The following CNTNAP2 variants were observed in gnomAD, a reference collection of about 807,000 sequenced individuals.
The protein encoded by CNTNAP2 is contactin associated protein 2, also known as contactin-associated protein-like 2.
In CNTNAP2, 98 loss-of-function variants were observed where a neutral mutation model predicts 155.2. The ratio of observed to expected loss-of-function variants is 0.63; its 90% CI spans 0.54 to 0.75. The LOEUF (loss-of-function observed/expected upper bound fraction) is 0.75, where lower values mean the gene tolerates loss of function less well. Ranked by LOEUF, CNTNAP2 falls within the 30% of genes least tolerant of loss-of-function variation. The pLI is 0.00. For missense variants in CNTNAP2, 1,727 were observed against 1,688.1 expected, an observed-to-expected ratio of 1.02 and a Z score of -0.40; for synonymous variants, 651 against 631.2, an observed-to-expected ratio of 1.03 and a Z score of -0.47.
At chr7:148,399,888 C>T (rs989491195) in intron 22 of CNTNAP2, among the ~76,000 whole-genome samples, 1 of 152,114 alleles carries the variant, frequency 6.6e-6, no homozygotes, top group Non-Finnish European at 1.5e-5. Flanking sequence ...CACACACACA[C>T]GAGCAGCTGA....
chr7:148,243,785 A>G (rs1796202461), intron 20 of CNTNAP2, among the ~76,000 whole-genome samples: 1 of 91,454 alleles, frequency 1.1e-5, no homozygotes, highest in Non-Finnish European at 2.4e-5. Flanking sequence ...AATGTCAACT[A>G]AAGACAAAAA....
intron 17 of CNTNAP2, among the ~76,000 whole-genome samples, chr7:148,149,060 G>A (rs567837701): frequency 6.6e-6 from 1 of 152,286 alleles, no homozygotes; most frequent in Non-Finnish European, 1.5e-5. Flanking sequence ...GCTAGGACAA[G>A]TTTCTTCCTA....
intron 1 of CNTNAP2, among the ~76,000 whole-genome samples, chr7:146,753,693 G>A (rs900252213): frequency 6.6e-6 from 1 of 151,908 alleles, no homozygotes; most frequent in Non-Finnish European, 1.5e-5. Flanking sequence ...CATTGTCTTG[G>A]TATTCAAACC....
At chr7:146,610,572 T>G (rs1224125401) in intron 1 of CNTNAP2, among the ~76,000 whole-genome samples, 1 of 152,176 alleles carries the variant, frequency 6.6e-6, no homozygotes, top group Non-Finnish European at 1.5e-5. Flanking sequence ...TAATTTAATA[T>G]TCTACTATCA....
chr7:146,474,962 A>T (rs899756144), intron 1 of CNTNAP2, among the ~76,000 whole-genome samples: 2 of 151,642 alleles, frequency 1.3e-5, no homozygotes, highest in African/African-American at 4.8e-5. Context: ...CTAACCTGTA[A>T]ATTTGGCTTG....
intron 1 of CNTNAP2, among the ~76,000 whole-genome samples, chr7:146,644,743 A>C (rs1032156535): frequency 2.0e-5 from 3 of 152,190 alleles, no homozygotes; most frequent in Non-Finnish European, 4.4e-5. Flanking sequence ...GAAATGGATA[A>C]ATTCCTCGAC....
intron 8 of CNTNAP2, among the ~76,000 whole-genome samples, chr7:147,137,540 A>T (rs1801509463): frequency 1.3e-5 from 2 of 151,846 alleles, no homozygotes; most frequent in Non-Finnish European, 2.9e-5. Flanking sequence ...GAAAAGTATG[A>T]TGCTTAACAA....
intron 3 of CNTNAP2, among the ~76,000 whole-genome samples, chr7:147,018,828 TC>T (rs1457857002): frequency 6.6e-6 from 1 of 151,940 alleles, no homozygotes; most frequent in Non-Finnish European, 1.5e-5. Context: ...ACCTGCTAGT[TC>T]CCTTGACCAA....
chr7:148,032,539 CAGA>C (rs1454857542), intron 15 of CNTNAP2, among the ~76,000 whole-genome samples: 1 of 152,100 alleles, frequency 6.6e-6, no homozygotes, highest in Non-Finnish European at 1.5e-5. Context: ...GACAAAGAAC[CAGA>C]AGAACAAAGG....
chr7:146,549,606 A>G (rs1798084182), intron 1 of CNTNAP2, among the ~76,000 whole-genome samples: 1 of 152,022 alleles, frequency 6.6e-6, no homozygotes, highest in African/African-American at 2.4e-5. Flanking sequence ...TATGACAAAA[A>G]TTATTATTTA....
intron 13 of CNTNAP2, among the ~76,000 whole-genome samples, chr7:147,869,928 A>G (rs568290001): frequency 6.6e-6 from 1 of 152,292 alleles, no homozygotes; most frequent in Non-Finnish European, 1.5e-5. Flanking sequence ...TCCAGTAAGT[A>G]TGTATTCAGC....
At chr7:147,173,273 G>GC (rs1249347162) in intron 8 of CNTNAP2, among the ~76,000 whole-genome samples, 1 of 151,802 alleles carries the variant, frequency 6.6e-6, no homozygotes, top group Non-Finnish European at 1.5e-5. Context: ...ATTTACATAA[G>GC]CCAAGTCCTA....
intron 1 of CNTNAP2, among the ~76,000 whole-genome samples, chr7:146,312,277 T>TGGGTGAGAGTTAGTTGATGAGA (rs1213046468): frequency 1.3e-5 from 2 of 152,290 alleles, no homozygotes; most frequent in Admixed American, 6.5e-5. Flanking sequence ...CCTGTGATTA[T>TGGGTGAGAGTTAGTTGATGAGA]GGGTGAGAGT....
intron 21 of CNTNAP2, among the ~76,000 whole-genome samples, chr7:148,277,846 A>G (rs1796902951): frequency 6.7e-6 from 1 of 149,458 alleles, no homozygotes; most frequent in South Asian, 2.1e-4. Flanking sequence ...AAAAAGCACC[A>G]TCTAACAAAT....
chr7:147,912,413 T>C (rs1463477636), intron 14 of CNTNAP2, among the ~76,000 whole-genome samples: 4 of 152,126 alleles, frequency 2.6e-5, no homozygotes, highest in African/African-American at 9.7e-5. Flanking sequence ...ACTGCCCTCC[T>C]GAGATCCTTA....
chr7:147,168,222 A>G (rs1317535360), intron 8 of CNTNAP2, among the ~76,000 whole-genome samples: 1 of 150,990 alleles, frequency 6.6e-6, no homozygotes, highest in Non-Finnish European at 1.5e-5. Context: ...TTACATATGC[A>G]TGTCACTTGA....
At chr7:147,696,795 T>G (rs552488924) in intron 13 of CNTNAP2, among the ~76,000 whole-genome samples, 2 of 151,428 alleles carry the variant, frequency 1.3e-5, no homozygotes, top group East Asian at 1.9e-4. Context: ...GTTGGCTGAT[T>G]TTTTTTTTCT....
intron 1 of CNTNAP2, among the ~76,000 whole-genome samples, chr7:146,305,399 T>C (rs568846720): frequency 2.6e-5 from 4 of 152,236 alleles, no homozygotes; most frequent in African/African-American, 7.2e-5. Flanking sequence ...TTTCTCCCCA[T>C]CTTTGTGGTT....
intron 14 of CNTNAP2, among the ~76,000 whole-genome samples, chr7:147,910,915 T>C (rs1234532696): frequency 1.3e-5 from 2 of 152,228 alleles, no homozygotes; most frequent in African/African-American, 2.4e-5. Context: ...CTGTGTACTA[T>C]ATACAGCACA....
Sources: allele counts gnomAD v4.1 joint callset (sites outside exome capture counted in the v4.1 genomes callset), GRCh38; gene constraint gnomAD v4.1.1; transcripts MANE v1.5; gene names NCBI Gene and HGNC (gene_info 2026-07-23, HGNC 2026-07-21).